PIK3AP1: variants seen among roughly 807,000 people sequenced by gnomAD.
PIK3AP1 encodes the protein phosphoinositide-3-kinase adaptor protein 1.
In PIK3AP1, 21 loss-of-function variants were observed where a neutral mutation model predicts 88.1. That is an observed-to-expected ratio of 0.24 (90% CI 0.17 to 0.34). The LOEUF (loss-of-function observed/expected upper bound fraction) is 0.34. Ranked by LOEUF, PIK3AP1 falls within the 10% of genes least tolerant of loss-of-function variation. The probability of loss-of-function intolerance (pLI) is 1.00; values close to 1 mark genes in which losing one functional copy is unlikely to be tolerated. For synonymous variants in PIK3AP1, 398 were observed against 400.0 expected, an observed-to-expected ratio of 1.00 and a Z score of 0.06; for missense variants, 828 against 1,035.7, an observed-to-expected ratio of 0.80 and a Z score of 2.75.
intron 2 of PIK3AP1, among the ~76,000 whole-genome samples, chr10:96,672,677 C>T (rs1439949875): frequency 1.3e-5 from 2 of 150,724 alleles, no homozygotes; most frequent in Admixed American, 6.6e-5. Context: ...GCCATGACAA[C>T]CAATGAAAGC....
intron 2 of PIK3AP1, among the ~76,000 whole-genome samples, chr10:96,700,546 C>A (rs1844283715): frequency 6.6e-6 from 1 of 152,106 alleles, no homozygotes; most frequent in Non-Finnish European, 1.5e-5. Context: ...TATCTTCTTC[C>A]CCAAATCAAA....
chr10:96,606,440 T>G (rs1849003698), intron 14 of PIK3AP1, among the ~76,000 whole-genome samples: 1 of 152,248 alleles, frequency 6.6e-6, no homozygotes, highest in South Asian at 2.1e-4. Context: ...ACCAGCTCCA[T>G]GACTCCGGAA....
intron 2 of PIK3AP1, among the ~76,000 whole-genome samples, chr10:96,687,204 C>T (rs967069538): frequency 3.6e-5 from 5 of 138,572 alleles, no homozygotes; most frequent in African/African-American, 1.1e-4. Flanking sequence ...TGCAGTGAGC[C>T]GAGACAGCGC....
chr10:96,624,487 T>C (rs1362423645), intron 10 of PIK3AP1, among the ~76,000 whole-genome samples: 5 of 152,170 alleles, frequency 3.3e-5, no homozygotes, highest in African/African-American at 7.2e-5. Context: ...AATCTATACG[T>C]GTATTATTAC....
intron 13 of PIK3AP1, among the ~76,000 whole-genome samples, chr10:96,612,327 C>T (rs1849127012): frequency 6.6e-6 from 1 of 152,134 alleles, no homozygotes; most frequent in Admixed American, 6.5e-5. Context: ...AGCAAACAAA[C>T]CCCTGGGGTT....
intron 13 of PIK3AP1, among the ~76,000 whole-genome samples, chr10:96,613,157 C>G (rs1849157277): frequency 6.6e-6 from 1 of 151,530 alleles, no homozygotes; most frequent in Non-Finnish European, 1.5e-5. Context: ...TGCCACCACA[C>G]CCAGCTAATT....
chr10:96,597,935 G>A (rs961705805), intron 16 of PIK3AP1, among the ~76,000 whole-genome samples: 3 of 152,020 alleles, frequency 2.0e-5, no homozygotes, highest in Admixed American at 6.5e-5. Flanking sequence ...CCCTCTCTAG[G>A]TTTCATTCTG....
At chr10:96,704,728 AAAAAAAG>A (rs981232094) in intron 2 of PIK3AP1, among the ~76,000 whole-genome samples, 3 of 151,840 alleles carry the variant, frequency 2.0e-5, no homozygotes, top group Admixed American at 1.3e-4. Context: ...CAAAAAGAAA[AAAAAAAG>A]AAAAAAGAAA....
chr10:96,702,840 T>A (rs1844316109), intron 2 of PIK3AP1, among the ~76,000 whole-genome samples: 1 of 152,218 alleles, frequency 6.6e-6, no homozygotes, highest in African/African-American at 2.4e-5. Flanking sequence ...CATTTTGGAA[T>A]CTATTTGATT....
rs768643466 is a variant in PIK3AP1, at chr10:96,620,476, C to T, written c.1817G>A (p.Arg606Gln). 2.5e-5 allele frequency: 40 copies of T among 1,614,002 alleles called. No individual in the cohort carries two copies. The highest frequency in any genetic ancestry group is 3.2e-5 in the Non-Finnish European group (38 of 1,180,044). ...CTGCTCCTGGAGGGTGATAAGCTGC[C>T]GCTGGCCTGGCGTTTTCATTCCCGC... ...PFAGMKTPGQ[R>Q]QLITLQEQVK... Residue 606 changes from arginine (R) to glutamine (Q), a missense_variant, in exon 12 of 17, where the codon CGG becomes CAG. Arg to Gln is a conservative substitution (Grantham distance 43). Transcript: ENST00000339364.
chr10:96,628,550 T>C, intron 8 of PIK3AP1, 57 bp from the exon 9 acceptor site: 1 of 1,355,838 alleles, frequency 7.4e-7, no homozygotes, highest in Non-Finnish European at 1.1e-6. Flanking sequence ...GGCAAGGAGA[T>C]TTTTACAGAT....
At chr10:96,700,833 G>T (rs1168101739) in intron 2 of PIK3AP1, 2 of 985,468 alleles carry the variant, frequency 2.0e-6, no homozygotes, top group Non-Finnish European at 2.4e-6. Context: ...CGAGCAGAGC[G>T]CAGCAACTTC....
intron 8 of PIK3AP1, among the ~76,000 whole-genome samples, chr10:96,636,846 G>GA (rs5787203): frequency 0.91 from 138,164 of 152,134 alleles, 63,279 homozygotes; most frequent in East Asian, 1. Context: ...AGCTTGAACA[G>GA]TGAGAGAACA....
rs770494580 is a variant in PIK3AP1, at chr10:96,648,788, A to G, written c.1056T>C (p.Thr352=). The G allele has an allele frequency of 6.2e-7, 1 of 1,608,046 alleles. No individual in the cohort carries two copies. Among genetic ancestry groups the G allele is most frequent in the Admixed American group, 1.7e-5 (1 of 58,780 alleles). ...CTCCTGGGCAGGTGAGCAACAAGGC[A>G]GTGAGGTTCTTCAGTCCATACTTCG... ...FAAKYGLKNL[T]ALLLTCPGAL... Residue 352 remains threonine (T), a synonymous_variant, in exon 7 of 17, where the codon ACT becomes ACC. Coordinates refer to ENST00000339364, the MANE Select transcript of PIK3AP1 (RefSeq NM_152309.3).
intron 8 of PIK3AP1, among the ~76,000 whole-genome samples, chr10:96,630,136 T>C (rs545576566): frequency 1.2e-4 from 19 of 152,292 alleles, no homozygotes; most frequent in African/African-American, 4.1e-4. Flanking sequence ...TATTCTGACA[T>C]GTTTTTGTTA....
intron 1 of PIK3AP1, among the ~76,000 whole-genome samples, chr10:96,710,222 T>C (rs1844422185): frequency 1.3e-5 from 2 of 151,786 alleles, no homozygotes; most frequent in Admixed American, 6.6e-5. Flanking sequence ...TATTATTTAT[T>C]TATTTATTTA....
chr10:96,608,025 C>A (rs1004924266), intron 14 of PIK3AP1, among the ~76,000 whole-genome samples: 3 of 152,146 alleles, frequency 2.0e-5, no homozygotes, highest in Non-Finnish European at 4.4e-5. Context: ...CATTTTCTAA[C>A]CAGATGAGCC....
chr10:96,715,032 G>A (rs199591903), intron 1 of PIK3AP1, among the ~76,000 whole-genome samples: 3 of 148,964 alleles, frequency 2.0e-5, no homozygotes, highest in Non-Finnish European at 1.5e-5. Context: ...TGGAAAGGGA[G>A]AAAAAAAAAA....
At chr10:96,700,101 G>A (rs1013913168) in intron 2 of PIK3AP1, among the ~76,000 whole-genome samples, 33 of 152,138 alleles carry the variant, frequency 2.2e-4, no homozygotes, top group African/African-American at 7.0e-4. Flanking sequence ...TCACACGAGC[G>A]GAAATTTCAG....
Sources: allele counts gnomAD v4.1 joint callset (sites outside exome capture counted in the v4.1 genomes callset), GRCh38; gene constraint gnomAD v4.1.1; transcripts MANE v1.5; gene names NCBI Gene and HGNC (gene_info 2026-07-23, HGNC 2026-07-21).